RBFOX1: variants seen among roughly 807,000 people sequenced by gnomAD.
RBFOX1 encodes RNA binding fox-1 homolog 1.
RBFOX1 carries 8 observed loss-of-function variants against 57.7 expected under a neutral mutation model. The ratio of observed to expected loss-of-function variants is 0.14; its 90% CI spans 0.08 to 0.25. The LOEUF (loss-of-function observed/expected upper bound fraction) is 0.25. Ranked by LOEUF, RBFOX1 falls within the 10% of genes least tolerant of loss-of-function variation. RBFOX1 has a pLI of 1.00. For missense variants in RBFOX1, 611 were observed against 548.5 expected (o/e 1.11, Z -1.14); for synonymous variants, 326 against 222.4 (o/e 1.47, Z -4.15).
chr16:6,614,667 T>G (rs919784552), intron 2 of RBFOX1, among the ~76,000 whole-genome samples: 1 of 152,200 alleles, frequency 6.6e-6, no homozygotes, highest in Non-Finnish European at 1.5e-5. Context: ...TTACTCCTAG[T>G]GATTTGCCCC....
intron 2 of RBFOX1, among the ~76,000 whole-genome samples, chr16:6,535,961 C>G (rs1041819592): frequency 6.6e-6 from 1 of 152,188 alleles, no homozygotes; most frequent in African/African-American, 2.4e-5. Flanking sequence ...TAAGATGCCT[C>G]TTTAGTTTCT....
chr16:7,519,871 A>G, intron 5 of RBFOX1: 1 of 394,326 alleles, frequency 2.5e-6, no homozygotes, highest in Non-Finnish European at 3.4e-6. Context: ...GCTAGTTTTG[A>G]CGTTTTGTTT....
At chr16:6,612,125 A>T (rs1468413425) in intron 2 of RBFOX1, among the ~76,000 whole-genome samples, 1 of 152,140 alleles carries the variant, frequency 6.6e-6, no homozygotes, top group African/African-American at 2.4e-5. Context: ...GCATCTAGGG[A>T]TTATCCCTGG....
chr16:6,026,250 C>T (rs770392010), intron 1 of RBFOX1, among the ~76,000 whole-genome samples: 6 of 152,240 alleles, frequency 3.9e-5, no homozygotes, highest in Non-Finnish European at 8.8e-5. Flanking sequence ...GTTTGGACAT[C>T]ACTGTCTCCT....
At chr16:5,846,769 T>C (rs1293768879) in intron 3 of RBFOX1, among the ~76,000 whole-genome samples, 2 of 152,182 alleles carry the variant, frequency 1.3e-5, no homozygotes, top group Non-Finnish European at 2.9e-5. Context: ...GATGGGTGGA[T>C]GTGAAGGACC....
intron 2 of RBFOX1, among the ~76,000 whole-genome samples, chr16:6,420,477 A>T (rs1382343496): frequency 6.6e-6 from 1 of 151,994 alleles, no homozygotes; most frequent in African/African-American, 2.4e-5. Context: ...GAACAAAGAA[A>T]ATGTAGTCTT....
chr16:7,214,688 C>G (rs957097958), intron 4 of RBFOX1, among the ~76,000 whole-genome samples: 2 of 152,188 alleles, frequency 1.3e-5, no homozygotes, highest in South Asian at 2.1e-4. Flanking sequence ...AAATCCAGAA[C>G]CCTTCACACA....
intron 2 of RBFOX1, among the ~76,000 whole-genome samples, chr16:6,607,253 A>G (rs1483692593): frequency 6.6e-6 from 1 of 152,194 alleles, no homozygotes; most frequent in Non-Finnish European, 1.5e-5. Flanking sequence ...TCTTGGAACA[A>G]TTCATTGTGG....
chr16:6,231,115 G>A (rs943060648), intron 1 of RBFOX1, among the ~76,000 whole-genome samples: 10 of 152,058 alleles, frequency 6.6e-5, no homozygotes, highest in East Asian at 5.8e-4. Context: ...TTTTTTGGAC[G>A]AATGATAATT....
At chr16:6,790,891 G>C (rs1342245776) in intron 3 of RBFOX1, among the ~76,000 whole-genome samples, 1 of 151,842 alleles carries the variant, frequency 6.6e-6, no homozygotes, top group Non-Finnish European at 1.5e-5. Flanking sequence ...GTATTTGTGT[G>C]GTTTATTTTT....
intron 4 of RBFOX1, among the ~76,000 whole-genome samples, chr16:7,491,806 T>C (rs1373242877): frequency 6.6e-6 from 1 of 152,104 alleles, no homozygotes; most frequent in Admixed American, 6.5e-5. Context: ...AATTAATATA[T>C]ATATATTTAA....
intron 9 of RBFOX1, among the ~76,000 whole-genome samples, chr16:7,606,145 A>G (rs1476893126): frequency 8.2e-6 from 1 of 122,478 alleles, no homozygotes; most frequent in Non-Finnish European, 1.7e-5. Flanking sequence ...TTTTCCCGAG[A>G]GAGTCTCACA....
At chr16:7,650,518 G>C (rs1555716796) in intron 11 of RBFOX1, among the ~76,000 whole-genome samples, 1 of 152,136 alleles carries the variant, frequency 6.6e-6, no homozygotes, top group Non-Finnish European at 1.5e-5. Context: ...GTAATGAAGA[G>C]GGTACAAAAT....
At chr16:5,856,960 A>C (rs8060369) in intron 3 of RBFOX1, among the ~76,000 whole-genome samples, 97,336 of 151,902 alleles carry the variant, frequency 0.64, 31,420 homozygotes, top group African/African-American at 0.68. Context: ...TCTTTTGCAT[A>C]CACAACGTGG....
chr16:6,830,182 G>A (rs1357094983), intron 3 of RBFOX1, among the ~76,000 whole-genome samples: 3 of 152,140 alleles, frequency 2.0e-5, no homozygotes, highest in Non-Finnish European at 2.9e-5. Flanking sequence ...CTCCCAAAGT[G>A]CTGGGATTAC....
At chr16:5,954,685 C>T (rs543881822) in intron 4 of RBFOX1, among the ~76,000 whole-genome samples, 14 of 152,154 alleles carry the variant, frequency 9.2e-5, no homozygotes, top group East Asian at 1.9e-4. Context: ...CCTTAACTCT[C>T]GGCAAGCATC....
chr16:6,899,954 G>C (rs2068037228), intron 3 of RBFOX1, among the ~76,000 whole-genome samples: 2 of 152,208 alleles, frequency 1.3e-5, no homozygotes, highest in South Asian at 2.1e-4. Context: ...TTAATAGCTG[G>C]GTGGCCTTGG....
At chr16:6,959,269 T>A (rs562906458) in intron 3 of RBFOX1, among the ~76,000 whole-genome samples, 2 of 152,282 alleles carry the variant, frequency 1.3e-5, no homozygotes, top group Admixed American at 6.5e-5. Context: ...TGAGGCCATG[T>A]TTATGTGGAG....
chr16:5,714,042 A>C (rs1156326353), intron 3 of RBFOX1, among the ~76,000 whole-genome samples: 1 of 152,162 alleles, frequency 6.6e-6, no homozygotes, highest in African/African-American at 2.4e-5. Flanking sequence ...AAGGCAATAA[A>C]ATATGAGCCT....
Sources: allele counts gnomAD v4.1 joint callset (sites outside exome capture counted in the v4.1 genomes callset), GRCh38; gene constraint gnomAD v4.1.1; transcripts MANE v1.5; gene names NCBI Gene and HGNC (gene_info 2026-07-23, HGNC 2026-07-21).